TRPM3: variants seen among roughly 807,000 people sequenced by gnomAD.
TRPM3 encodes transient receptor potential cation channel subfamily M member 3, also known as long transient receptor potential channel 3.
In TRPM3, 77 loss-of-function variants were observed where a neutral mutation model predicts 181.2. The observed-to-expected ratio is 0.42, with a 90% confidence interval of 0.35 to 0.51. The LOEUF (loss-of-function observed/expected upper bound fraction) is 0.51. Among genes scored for constraint, TRPM3 ranks in the 20% least tolerant of loss-of-function variants. TRPM3 has a pLI of 0.01. For missense variants in TRPM3, 1,759 were observed against 2,196.7 expected, an observed-to-expected ratio of 0.80 and a Z score of 3.98; for synonymous variants, 745 against 796.4, an observed-to-expected ratio of 0.94 and a Z score of 1.09.
chr9:70,608,455 G>A (rs1232164536), intron 19 of TRPM3, among the ~76,000 whole-genome samples: 1 of 152,156 alleles, frequency 6.6e-6, no homozygotes, highest in Admixed American at 6.5e-5. Context: ...CTCAAAAGCT[G>A]TAGTTTGCCA....
At chr9:71,066,445 T>TA (rs2133440251) in intron 1 of TRPM3, among the ~76,000 whole-genome samples, 1 of 152,266 alleles carries the variant, frequency 6.6e-6, no homozygotes, top group South Asian at 2.1e-4. Context: ...TTTGAAATTG[T>TA]AAAAAATTCC....
At chr9:70,682,201 T>G (rs2065630839) in intron 8 of TRPM3, among the ~76,000 whole-genome samples, 1 of 152,176 alleles carries the variant, frequency 6.6e-6, no homozygotes, top group Non-Finnish European at 1.5e-5. Flanking sequence ...GCCCTTGCTA[T>G]GAGTCAGGCA....
chr9:70,915,336 C>A (rs192146328), intron 1 of TRPM3, among the ~76,000 whole-genome samples: 9 of 151,688 alleles, frequency 5.9e-5, no homozygotes, highest in African/African-American at 1.2e-4. Flanking sequence ...CTTACTCTGT[C>A]GCCCAGGCTG....
chr9:71,218,808 G>C (rs748604516), intron 1 of TRPM3, among the ~76,000 whole-genome samples: 12 of 152,006 alleles, frequency 7.9e-5, no homozygotes, highest in African/African-American at 1.2e-4. Flanking sequence ...ATTTTACTTC[G>C]GGCCTTTGTG....
chr9:71,310,415 A>C (rs1312646111), intron 1 of TRPM3, among the ~76,000 whole-genome samples: 1 of 152,092 alleles, frequency 6.6e-6, no homozygotes, highest in Non-Finnish European at 1.5e-5. Flanking sequence ...GGGTAAGGTA[A>C]ATTTTTAAGA....
At chr9:70,561,550 G>A (rs911845731) in intron 22 of TRPM3, among the ~76,000 whole-genome samples, 3 of 152,116 alleles carry the variant, frequency 2.0e-5, no homozygotes, top group Non-Finnish European at 2.9e-5. Context: ...AGCAAAGGTC[G>A]CTGAAAACCA....
intron 14 of TRPM3, among the ~76,000 whole-genome samples, chr9:70,623,401 C>G (rs1231112536): frequency 6.6e-6 from 1 of 151,546 alleles, no homozygotes; most frequent in Non-Finnish European, 1.5e-5. Context: ...CCACTACCAG[C>G]TAGAGCAGCA....
At chr9:71,402,775 T>C (rs1225766561) in intron 1 of TRPM3, among the ~76,000 whole-genome samples, 1 of 152,172 alleles carries the variant, frequency 6.6e-6, no homozygotes, top group Non-Finnish European at 1.5e-5. Flanking sequence ...GGCCATGCCT[T>C]TCCCAGCTAT....
intron 25 of TRPM3, among the ~76,000 whole-genome samples, chr9:70,548,590 CT>C (rs1203067201): frequency 6.6e-6 from 1 of 152,166 alleles, no homozygotes; most frequent in Admixed American, 6.5e-5. Flanking sequence ...TATGTTAGGC[CT>C]TTCTACACTA....
rs1035900993 is a variant in TRPM3 at position 70,625,426 on chromosome 9, A to T, written c.1668+56T>A. The T allele has an allele frequency of 1.7e-5, 27 of 1,588,946 alleles. No homozygotes were observed. The African/African-American group carries it at 3.4e-4, about 20-fold the overall frequency. Reference sequence around the variant, plus strand: ...CGTATTCTGTAACTAGAGTAAAAAAAAAATAATGAAAAAAGAAACATATGA... The same window carrying T: ...CGTATTCTGTAACTAGAGTAAAAAATAAATAATGAAAAAAGAAACATATGA... On this transcript the variant is annotated intron_variant, in intron 13 of 25. Coordinates refer to ENST00000677713, the MANE Select transcript of TRPM3 (RefSeq NM_001366145.2). This position sits in a 1 kb window ranked among gnomAD's most constrained non-coding sequence, Gnocchi z 4.8.
At chr9:71,427,782 G>A (rs192649598) in intron 1 of TRPM3, among the ~76,000 whole-genome samples, 2 of 152,220 alleles carry the variant, frequency 1.3e-5, no homozygotes, top group East Asian at 1.9e-4. Context: ...GGGGGCCAGG[G>A]TTGAAAAACT....
At chr9:70,617,646 G>T (rs2062993255) in intron 17 of TRPM3, among the ~76,000 whole-genome samples, 1 of 152,126 alleles carries the variant, frequency 6.6e-6, no homozygotes, top group African/African-American at 2.4e-5. Flanking sequence ...TGACTAGAGT[G>T]ACCATTTCAC....
At chr9:70,797,791 C>T (rs946259775) in intron 6 of TRPM3, among the ~76,000 whole-genome samples, 1 of 152,178 alleles carries the variant, frequency 6.6e-6, no homozygotes, top group Non-Finnish European at 1.5e-5. Context: ...TGGCATCTGC[C>T]TACTTTCAGA....
chr9:70,536,621 AG>A lies in TRPM3; in HGVS notation c.4491del (p.Trp1498GlyfsTer20), dbSNP rs1221576849. 1 of 1,614,088 alleles carries A rather than the reference AG, an allele frequency of 6.2e-7. No homozygotes were observed. Among genetic ancestry groups the A allele is most frequent in the Admixed American group, 1.7e-5 (1 of 60,020 alleles). Reference sequence around the variant, plus strand: ...TGGTACATCGGAGGCTCTGAGTCCCAGGGGTTTTGGCATTCTGGGAGGTGGG... The same window carrying A: ...TGGTACATCGGAGGCTCTGAGTCCCAGGGTTTTGGCATTCTGGGAGGTGGG... Reference protein sequence around the residue: ...DYTHLPECQNPWDSEPPMYHT... With the variant: ...DYTHLPECQNXWDSEPPMYHT... On this transcript the variant is annotated frameshift_variant, in exon 26 of 26. Transcript: ENST00000677713. LOFTEE classifies it high-confidence loss of function.
intron 1 of TRPM3, among the ~76,000 whole-genome samples, chr9:71,427,934 A>G (rs2093893647): frequency 1.3e-5 from 2 of 152,194 alleles, no homozygotes; most frequent in African/African-American, 4.8e-5. Context: ...AAAATAAAAT[A>G]TAAAATAAAA....
At position 71,056,980 on chromosome 9, in the gene TRPM3, G is replaced by C. The variant is rs78260888; in HGVS notation, c.177+64198C>G. Among the ~76,000 whole-genome samples, 18 of 152,072 alleles carry C rather than the reference G, an allele frequency of 1.2e-4. No individual in the cohort carries two copies. In the East Asian group the frequency reaches 3.5e-3, roughly 29 times the overall value. On this transcript the variant is annotated intron_variant, in intron 1 of 25. Transcript: ENST00000677713. The stretch of plus-strand genomic sequence containing the variant: ...AAAACAATGAGAGGAAATGTTTTGG[G>C]GGCTCCTGAAATTTGATGACAAGCA...
In TRPM3 at chr9:71,423,943, A is replaced by C. The variant is rs1009935097; in HGVS notation, c.183+22710T>G. On this transcript the variant is annotated intron_variant, in intron 1 of 24. Coordinates refer to the TRPM3 transcript ENST00000357533. ...AATCCAGTAACGTATCCACCTTGTT[A>C]AGGACAAGTTGACAAAAATGGCTGA... 2.6e-5 allele frequency among the ~76,000 whole-genome samples: 4 copies of C among 152,176 alleles called. No individual in the cohort carries two copies. In the East Asian group the frequency reaches 7.7e-4, roughly 29 times the overall value.
In TRPM3 at chr9:71,185,716, CTAA is replaced by C. The variant is rs1404307793; in HGVS notation, c.183+260934_183+260936del. 1.8e-4 allele frequency among the ~76,000 whole-genome samples: 28 copies of C among 152,130 alleles called. 1 individual carries two copies. The East Asian group carries it at 5.4e-3, about 29-fold the overall frequency. ...ATATGACACTGCTTTGGGTAGTCAT[CTAA>C]ATATTTCACAGATCAGGAAACTGAA... On this transcript the variant is annotated intron_variant, in intron 1 of 24. Coordinates refer to the TRPM3 transcript ENST00000357533.
At chr9:71,000,242 A>C (rs1590459635) in intron 1 of TRPM3, among the ~76,000 whole-genome samples, 1 of 152,220 alleles carries the variant, frequency 6.6e-6, no homozygotes, top group Non-Finnish European at 1.5e-5. Context: ...CTCTAAAATC[A>C]AGTCAAATGG....
Sources: gnomAD v4.1 joint callset for allele counts (sites outside exome capture counted in the v4.1 genomes callset) on GRCh38, gnomAD v4.1.1 for gene constraint, Gnocchi (gnomAD v3.1) non-coding constraint, MANE v1.5 for transcripts, NCBI Gene and HGNC (gene_info 2026-07-23, HGNC 2026-07-21) for gene names.